The following ROCK2 variants were observed in gnomAD, a reference collection of about 807,000 sequenced individuals.
ROCK2 encodes rho-associated protein kinase 2.
A neutral mutation model predicts 195.1 loss-of-function variants in ROCK2; 61 were observed. The observed-to-expected ratio is 0.31, with a 90% confidence interval of 0.25 to 0.39. The LOEUF (loss-of-function observed/expected upper bound fraction) is 0.39. ROCK2 is among the 10% of genes least tolerant of loss of function. The pLI, the probability that ROCK2 is intolerant of heterozygous loss-of-function variation, is 1.00. For synonymous variants in ROCK2, 504 were observed against 545.5 expected (o/e 0.92, Z 1.06); for missense variants, 1,109 against 1,637.4 (o/e 0.68, Z 5.57).
At chr2:11,337,003 G>A (rs1668949731) in intron 1 of ROCK2, among the ~76,000 whole-genome samples, 2 of 152,218 alleles carry the variant, frequency 1.3e-5, no homozygotes, top group South Asian at 4.1e-4. Context: ...AGCACTTTGG[G>A]AGGCCAAGGC....
chr2:11,331,500 G>T (rs150825735), intron 1 of ROCK2, among the ~76,000 whole-genome samples: 218 of 152,056 alleles, frequency 1.4e-3, no homozygotes, highest in African/African-American at 5.0e-3. Context: ...CAACAAAAGG[G>T]AAAGAAATAA....
At position 11,334,999 on chromosome 2, in the gene ROCK2, T is replaced by C. The variant is rs140415470; in HGVS notation, c.141+8997A>G. 4.0e-3 allele frequency among the ~76,000 whole-genome samples: 609 copies of C among 152,146 alleles called. 2 individuals are homozygous for C. The highest frequency in any genetic ancestry group is 0.013 in the African/African-American group (546 of 41,498). Reference sequence around the variant, plus strand: ...ATATCTGAACAAACAGCCCATACCTTACCAAAATGAAGTACCAAACCATAA... The same window carrying C: ...ATATCTGAACAAACAGCCCATACCTCACCAAAATGAAGTACCAAACCATAA... On this transcript the variant is annotated intron_variant, in intron 1 of 32. Transcript: ENST00000315872.
At chr2:11,219,519 C>CATCA (rs1279412141) in intron 9 of ROCK2, among the ~76,000 whole-genome samples, 4 of 151,870 alleles carry the variant, frequency 2.6e-5, no homozygotes, top group East Asian at 3.9e-4. Flanking sequence ...TCAATCCATC[C>CATCA]ATCAATCAAT....
chr2:11,254,052 A>G (rs1035278145), intron 3 of ROCK2, among the ~76,000 whole-genome samples: 3 of 152,244 alleles, frequency 2.0e-5, no homozygotes, highest in African/African-American at 7.2e-5. Context: ...GTGGGTTTGA[A>G]CAAATCACTA....
chr2:11,273,388 A>C (rs1267653810), intron 3 of ROCK2, among the ~76,000 whole-genome samples: 1 of 152,070 alleles, frequency 6.6e-6, no homozygotes, highest in Non-Finnish European at 1.5e-5. Context: ...TTAAATCAAT[A>C]AAGGTTACAG....
intron 32 of ROCK2, among the ~76,000 whole-genome samples, chr2:11,187,980 G>T (rs1303082385): frequency 6.6e-6 from 1 of 151,860 alleles, no homozygotes; most frequent in East Asian, 1.9e-4. Flanking sequence ...TTAAAACTCG[G>T]TAAGTGAGCA....
In ROCK2 at chr2:11,215,360, A is replaced by C. The variant is rs771852064; in HGVS notation, c.1650T>G (p.Ser550=). 1.8e-5 allele frequency: 29 copies of C among 1,607,718 alleles called. No homozygotes were observed. The South Asian group carries it at 3.2e-4, about 18-fold the overall frequency. Residue 550 remains serine (S), a synonymous_variant, in exon 15 of 33, where the codon TCT becomes TCG. Coordinates refer to ENST00000315872, the MANE Select transcript of ROCK2 (RefSeq NM_004850.5). The part of the protein sequence containing the change: ...LEDLKKRNQN[S]QISTEKVNQL... ...GATTCACTTTCTCAGTGGATATTTG[A>C]GAGTTTTGATTTCTTTTTTTCAAAT...
intron 3 of ROCK2, among the ~76,000 whole-genome samples, chr2:11,275,274 G>T (rs1355988396): frequency 6.8e-6 from 1 of 146,552 alleles, no homozygotes; most frequent in Admixed American, 6.8e-5. Flanking sequence ...AAAAAAAAAA[G>T]AATTATAAGA....
chr2:11,215,343 T>C lies in ROCK2; in HGVS notation c.1667A>G (p.Lys556Arg). 1 of 1,604,768 alleles carries C rather than the reference T, an allele frequency of 6.2e-7. No homozygotes were observed. The highest frequency in any genetic ancestry group is 8.5e-7 in the Non-Finnish European group (1 of 1,176,082). ...RNQNSQISTE[K>R]VNQLQRQLDE... The stretch of plus-strand genomic sequence containing the variant: ...TACTTGTCTCTGGAGTTGATTCACT[T>C]TCTCAGTGGATATTTGAGAGTTTTG... The change falls in exon 15 of 33, where the codon AAA (lysine) becomes AGA (arginine). Residue 556 changes from lysine to arginine, a missense_variant. Physicochemically the swap from Lys to Arg is conservative, Grantham distance 26. Coordinates refer to ENST00000315872, the MANE Select transcript of ROCK2 (RefSeq NM_004850.5).
intron 3 of ROCK2, among the ~76,000 whole-genome samples, chr2:11,281,735 A>G (rs1667011064): frequency 1.3e-5 from 2 of 152,230 alleles, no homozygotes; most frequent in Admixed American, 1.3e-4. Flanking sequence ...ATTTGAAATT[A>G]AAAACACAGT....
chr2:11,251,397 TCTTA>T (rs1337369467), intron 3 of ROCK2, among the ~76,000 whole-genome samples: 2 of 152,276 alleles, frequency 1.3e-5, no homozygotes, highest in Non-Finnish European at 2.9e-5. Flanking sequence ...ACATATATTA[TCTTA>T]CTTAATCTTC....
chr2:11,243,963 G>A (rs897798093), intron 4 of ROCK2, among the ~76,000 whole-genome samples: 2 of 152,086 alleles, frequency 1.3e-5, no homozygotes, highest in Admixed American at 6.6e-5. Context: ...ACAATCATAC[G>A]TTAGTGGATA....
intron 3 of ROCK2, among the ~76,000 whole-genome samples, chr2:11,283,221 T>G (rs1667068483): frequency 6.9e-6 from 1 of 145,918 alleles, no homozygotes; most frequent in Non-Finnish European, 1.5e-5. Flanking sequence ...TAAGCCTAGA[T>G]AGCGCCATTG....
At chr2:11,321,571 G>C (rs907004149) in intron 1 of ROCK2, among the ~76,000 whole-genome samples, 3 of 151,608 alleles carry the variant, frequency 2.0e-5, no homozygotes, top group Non-Finnish European at 4.4e-5. Context: ...TTTTTTTAAA[G>C]ACAGTGGAGC....
At chr2:11,198,439 GA>G (rs1434233679) in intron 25 of ROCK2, 51 bp downstream of exon 25, 1 of 1,232,442 alleles carries the variant, frequency 8.1e-7, no homozygotes, top group East Asian at 2.3e-5. Flanking sequence ...AAATGTAAAA[GA>G]GATAAACTGA....
At chr2:11,221,018 T>C (rs1664620072) in intron 9 of ROCK2, among the ~76,000 whole-genome samples, 180 bp downstream of exon 9, 1 of 152,240 alleles carries the variant, frequency 6.6e-6, no homozygotes, top group Admixed American at 6.5e-5. Flanking sequence ...CAATAACTTA[T>C]AAATGAATAA....
At chr2:11,294,932 C>G (rs540599419) in intron 1 of ROCK2, among the ~76,000 whole-genome samples, 3 of 152,112 alleles carry the variant, frequency 2.0e-5, no homozygotes, top group Admixed American at 2.0e-4. Context: ...GGACTACAGG[C>G]GCATACCACT....
chr2:11,289,985 T>C (rs1245079364), intron 1 of ROCK2, among the ~76,000 whole-genome samples: 1 of 152,248 alleles, frequency 6.6e-6, no homozygotes, highest in African/African-American at 2.4e-5. Flanking sequence ...CAATTTTTAA[T>C]GATACTATGA....
intron 3 of ROCK2, among the ~76,000 whole-genome samples, chr2:11,256,935 G>A (rs999020324): frequency 2.0e-5 from 3 of 151,318 alleles, no homozygotes; most frequent in African/African-American, 7.4e-5. Flanking sequence ...GTTGAATTAC[G>A]CTCCAAGGTC....
Sources: allele counts gnomAD v4.1 joint callset (sites outside exome capture counted in the v4.1 genomes callset), GRCh38; gene constraint gnomAD v4.1.1; transcripts MANE v1.5; gene names NCBI Gene and HGNC (gene_info 2026-07-23, HGNC 2026-07-21).